Variants in MICAL2 observed in about 807,000 individuals in gnomAD.
MICAL2 encodes the protein [F-actin]-monooxygenase MICAL2.
Under a neutral mutation model 127.3 loss-of-function variants are expected in MICAL2, and 77 were observed. The observed-to-expected ratio is 0.60, with a 90% confidence interval of 0.50 to 0.73. The LOEUF is 0.73. Among genes scored for constraint, MICAL2 ranks in the 30% least tolerant of loss-of-function variants. The probability of loss-of-function intolerance (pLI) is 0.00; values close to 1 mark genes in which losing one functional copy is unlikely to be tolerated. For synonymous variants in MICAL2, 570 were observed against 551.1 expected (o/e 1.03, Z -0.48); for missense variants, 1,351 against 1,434.4 (o/e 0.94, Z 0.94).
chr11:12,261,328 G>A (rs1863086257), intron 26 of MICAL2: 1 of 985,426 alleles, frequency 1.0e-6, no homozygotes, highest in African/African-American at 1.7e-5. Flanking sequence ...ATCTTGACTG[G>A]CAGGGAAGGC....
chr11:12,140,737 G>C (rs1477396467), intron 2 of MICAL2, among the ~76,000 whole-genome samples: 1 of 152,198 alleles, frequency 6.6e-6, no homozygotes, highest in Non-Finnish European at 1.5e-5. Flanking sequence ...TGATCTATGA[G>C]AGGTCCTTGG....
At chr11:12,119,187 G>A (rs78795393) in intron 1 of MICAL2, among the ~76,000 whole-genome samples, 3,898 of 152,250 alleles carry the variant, frequency 0.026, 180 homozygotes, top group African/African-American at 0.089. Context: ...GATGCTGCCT[G>A]CCGCCTGGAG....
At position 12,138,034 on chromosome 11, in the gene MICAL2, G is replaced by A. The variant is rs548474386; in HGVS notation, c.-148-356G>A. On this transcript the variant is annotated intron_variant, in intron 1 of 27. Coordinates refer to ENST00000683283, the MANE Select transcript of MICAL2 (RefSeq NM_001282663.2). ...CACCTGCTTGATTTACTTTCATTGT[G>A]TCTCACACTTAAAAATTCTGACACT... Among the ~76,000 whole-genome samples the A allele has an allele frequency of 3.9e-5, 6 of 152,310 alleles. 1 individual carries two copies. The South Asian group carries it at 1.2e-3, about 32-fold the overall frequency.
At chr11:12,243,092 G>A (rs1314537665) in intron 20 of MICAL2, 1 of 209,922 alleles carries the variant, frequency 4.8e-6, no homozygotes, top group Non-Finnish European at 9.3e-6. Context: ...CTTCCTAAGG[G>A]TCAACACAAA....
intron 2 of MICAL2, among the ~76,000 whole-genome samples, chr11:12,160,788 C>T (rs935638096): frequency 2.6e-5 from 4 of 152,230 alleles, no homozygotes; most frequent in South Asian, 2.1e-4. Context: ...CCCCTGTGGG[C>T]GGGGCCTGAG....
At chr11:12,166,887 G>A (rs1183442992) in intron 3 of MICAL2, among the ~76,000 whole-genome samples, 1 of 151,848 alleles carries the variant, frequency 6.6e-6, no homozygotes, top group African/African-American at 2.4e-5. Flanking sequence ...TGAGAAAACA[G>A]CTAAAGGGAG....
intron 24 of MICAL2, among the ~76,000 whole-genome samples, chr11:12,270,043 G>A (rs1370397908): frequency 6.6e-6 from 1 of 152,212 alleles, no homozygotes; most frequent in Non-Finnish European, 1.5e-5. Flanking sequence ...TGGTACCTGT[G>A]CCTTTTCCCT....
chr11:12,278,213 T>C (rs982692070), intron 1 of MICAL2, among the ~76,000 whole-genome samples: 1 of 152,238 alleles, frequency 6.6e-6, no homozygotes, highest in Non-Finnish European at 1.5e-5. Flanking sequence ...CAATAATAAA[T>C]TGGCTTACTG....
intron 17 of MICAL2, among the ~76,000 whole-genome samples, chr11:12,240,371 C>G (rs1378386848): frequency 6.6e-6 from 1 of 152,228 alleles, no homozygotes; most frequent in African/African-American, 2.4e-5. Context: ...CTATGGTGAA[C>G]ACCTGTCACA....
intron 24 of MICAL2, among the ~76,000 whole-genome samples, chr11:12,269,537 G>C (rs1327253371): frequency 6.6e-6 from 1 of 152,198 alleles, no homozygotes; most frequent in African/African-American, 2.4e-5. Context: ...GAGTCCTGGT[G>C]TCCAGAGGGA....
At chr11:12,195,734 G>A (rs1400787322) in intron 3 of MICAL2, among the ~76,000 whole-genome samples, 2 of 145,176 alleles carry the variant, frequency 1.4e-5, no homozygotes, top group Admixed American at 7.1e-5. Context: ...TTAGAAAATA[G>A]CAATATATAT....
chr11:12,133,205 C>T (rs1851561947), intron 1 of MICAL2, among the ~76,000 whole-genome samples: 1 of 152,164 alleles, frequency 6.6e-6, no homozygotes, highest in South Asian at 2.1e-4. Context: ...CCTCAGACTC[C>T]CAAGTAGCTG....
At chr11:12,360,674 G>T (rs1048092133), downstream of MICAL2, among the ~76,000 whole-genome samples, 4 of 152,144 alleles carry the variant, frequency 2.6e-5, no homozygotes, top group Non-Finnish European at 5.9e-5. Flanking sequence ...CCATCCTAAA[G>T]GATGAATCTC....
rs140399265 is a variant in MICAL2 at position 12,175,450 on chromosome 11, C to T, written c.264+13031C>T. 2.3e-3 allele frequency among the ~76,000 whole-genome samples: 351 copies of T among 151,772 alleles called. 4 individuals are homozygous for T. The highest frequency in any genetic ancestry group is 0.02 in the Middle Eastern group (6 of 294). ...GAGATTGCGCCACTCCACTCCAGCC[C>T]GGGCAACAGAGCAAGACTCTGGGTC... On this transcript the variant is annotated intron_variant, in intron 3 of 27. Transcript: ENST00000683283.
chr11:12,216,233 A>C lies in MICAL2; in HGVS notation c.862A>C (p.Asn288His). The C allele has an allele frequency of 2.5e-6, 4 of 1,613,128 alleles. No individual in the cohort carries two copies. The highest frequency in any genetic ancestry group is 3.4e-6 in the Non-Finnish European group (4 of 1,179,010). Reference sequence around the variant, plus strand: ...TCTCTTTTCAGGCATAGATCTTGAGAACATTGTTTACTACAAGGACTGCAC... The same window carrying C: ...TCTCTTTTCAGGCATAGATCTTGAGCACATTGTTTACTACAAGGACTGCAC... ...LKEETGIDLE[N>H]IVYYKDCTHY... The change falls in exon 8 of 28, where the codon AAC (asparagine) becomes CAC (histidine). Residue 288 changes from asparagine to histidine, a missense_variant. Physicochemically the swap from Asn to His is moderately conservative, Grantham distance 68. Coordinates refer to ENST00000683283, the MANE Select transcript of MICAL2 (RefSeq NM_001282663.2).
chr11:12,223,455 C>CGA lies in MICAL2; in HGVS notation c.1499_1500dup (p.Leu501AspfsTer5). ...CTAAGGAGCTGGAGCACTACCCTCT[C>CGA]GAGAGACTGGGCTCGGTGAGGAGAT... On this transcript the variant is annotated frameshift_variant, in exon 12 of 28. Coordinates refer to ENST00000683283, the MANE Select transcript of MICAL2 (RefSeq NM_001282663.2). LOFTEE classifies it high-confidence loss of function. 6.2e-7 allele frequency: 1 copy of CGA among 1,614,064 alleles called. No individual in the cohort carries two copies. Among genetic ancestry groups the CGA allele is most frequent in the Non-Finnish European group, 8.5e-7 (1 of 1,180,010 alleles).
intron 2 of MICAL2, among the ~76,000 whole-genome samples, chr11:12,284,091 T>C (rs577039510): frequency 1.3e-5 from 2 of 152,312 alleles, no homozygotes; most frequent in Non-Finnish European, 1.5e-5. Flanking sequence ...GATGAATTCA[T>C]TGTGAAATCC....
intron 6 of MICAL2, among the ~76,000 whole-genome samples, chr11:12,211,474 A>T (rs761818290): frequency 2.0e-5 from 3 of 152,236 alleles, no homozygotes; most frequent in Non-Finnish European, 4.4e-5. Flanking sequence ...GCTGGAGTAC[A>T]TGGTGAGCAG....
At chr11:12,248,960 T>C (rs1861151674) in intron 21 of MICAL2, among the ~76,000 whole-genome samples, 1 of 152,194 alleles carries the variant, frequency 6.6e-6, no homozygotes, top group African/African-American at 2.4e-5. Context: ...AATTACTCAC[T>C]GTGTGGCCTT....
Sources: allele counts gnomAD v4.1 joint callset (sites outside exome capture counted in the v4.1 genomes callset), GRCh38; gene constraint gnomAD v4.1.1; transcripts MANE v1.5; gene names NCBI Gene and HGNC (gene_info 2026-07-23, HGNC 2026-07-21).